Variants in HMBOX1 observed in about 807,000 individuals in gnomAD.
HMBOX1 encodes homeobox containing 1, also known as homeobox-containing protein 1.
In HMBOX1, 14 loss-of-function variants were observed where a neutral mutation model predicts 54.5. The observed-to-expected ratio is 0.26, with a 90% CI of 0.17 to 0.40. HMBOX1 has a LOEUF of 0.40. Among genes scored for constraint, HMBOX1 ranks in the 10% least tolerant of loss-of-function variants. HMBOX1 has a pLI of 1.00. For missense variants in HMBOX1, 332 were observed against 514.4 expected, an observed-to-expected ratio of 0.65 and a Z score of 3.43; for synonymous variants, 160 against 181.0, an observed-to-expected ratio of 0.88 and a Z score of 0.93.
At chr8:29,039,716 C>G (rs920948477) in intron 6 of HMBOX1, among the ~76,000 whole-genome samples, 3 of 152,114 alleles carry the variant, frequency 2.0e-5, no homozygotes, top group African/African-American at 7.2e-5. Flanking sequence ...TGAGCAACTA[C>G]TATGTCCTCC....
chr8:28,907,993 A>G (rs1286608886), intron 1 of HMBOX1, among the ~76,000 whole-genome samples: 2 of 151,894 alleles, frequency 1.3e-5, no homozygotes, highest in South Asian at 2.1e-4. Flanking sequence ...CCACAGGTAC[A>G]TGCCACCACA....
chr8:29,018,161 C>T (rs560885313), intron 5 of HMBOX1, among the ~76,000 whole-genome samples: 2 of 152,312 alleles, frequency 1.3e-5, no homozygotes, highest in East Asian at 1.9e-4. Context: ...GACAATGTTG[C>T]TTTCCTGGTT....
intron 1 of HMBOX1, among the ~76,000 whole-genome samples, chr8:28,949,267 T>G (rs760640089): frequency 3.0e-4 from 46 of 152,192 alleles, no homozygotes; most frequent in Non-Finnish European, 5.7e-4. Context: ...GAGATGTTGA[T>G]CTGGATTCTC....
chr8:28,947,826 A>G (rs1268299518), intron 1 of HMBOX1, among the ~76,000 whole-genome samples: 1 of 151,880 alleles, frequency 6.6e-6, no homozygotes, highest in Non-Finnish European at 1.5e-5. Flanking sequence ...CTCTAACCAT[A>G]TTGTCTTCGT....
At position 28,970,763 on chromosome 8, in the gene HMBOX1, A is replaced by G. The variant is rs1827250170; in HGVS notation, c.500+244A>G. ...CTTTGCTGCTTGACAAGCCTTTTCC[A>G]TTCTGTTTATCAAACACTAATCTTC... On this transcript the variant is annotated intron_variant, in intron 3 of 9. Transcript: ENST00000287701. This position sits in a 1 kb window ranked among gnomAD's most constrained non-coding sequence, Gnocchi z 4.3. The G allele has an allele frequency of 2.5e-6, 1 of 402,322 alleles. No individual in the cohort carries two copies. The highest frequency in any genetic ancestry group is 4.4e-6 in the Non-Finnish European group (1 of 226,000). 24.9% of individuals were successfully genotyped at this position (402,322 alleles called of 1,614,324 possible).
intron 5 of HMBOX1, among the ~76,000 whole-genome samples, chr8:29,015,298 G>C (rs1023922622): frequency 3.3e-5 from 5 of 152,208 alleles, no homozygotes; most frequent in Admixed American, 1.3e-4. Flanking sequence ...TTATGGATGT[G>C]GCCTACTACC....
chr8:28,957,787 T>A (rs1457363256), intron 1 of HMBOX1, among the ~76,000 whole-genome samples: 3 of 151,980 alleles, frequency 2.0e-5, no homozygotes, highest in African/African-American at 7.3e-5. Context: ...CATGCCCAGC[T>A]AATTTTTGTA....
In HMBOX1 at chr8:29,007,930, C is replaced by G. The variant is rs573632851; in HGVS notation, c.587-1142C>G. On this transcript the variant is annotated intron_variant, in intron 4 of 9. Transcript: ENST00000287701. ...GACATAGGTTTTTAAGTGTGTGAAACTCTAGGGGCTTGCTTTTAATGAGTT... is the reference window on the plus strand; with the variant it reads ...GACATAGGTTTTTAAGTGTGTGAAAGTCTAGGGGCTTGCTTTTAATGAGTT... Among the ~76,000 whole-genome samples, 239 of 152,160 alleles carry G rather than the reference C, an allele frequency of 1.6e-3. 2 individuals carry two copies. Among genetic ancestry groups the G allele is most frequent in the African/African-American group, 5.5e-3 (230 of 41,502 alleles).
At chr8:28,938,467 C>G (rs1445711362) in intron 1 of HMBOX1, among the ~76,000 whole-genome samples, 2 of 152,062 alleles carry the variant, frequency 1.3e-5, no homozygotes, top group Admixed American at 1.3e-4. Context: ...GAGACAGGGT[C>G]TTGCTCATTA....
At chr8:28,916,753 T>C (rs1184175522) in intron 1 of HMBOX1, among the ~76,000 whole-genome samples, 5 of 149,680 alleles carry the variant, frequency 3.3e-5, no homozygotes, top group Non-Finnish European at 7.4e-5. Context: ...GTCTTCCAAC[T>C]TTTTTTTTTA....
chr8:28,892,613 A>C (rs1000886172), intron 1 of HMBOX1, among the ~76,000 whole-genome samples: 1 of 152,120 alleles, frequency 6.6e-6, no homozygotes, highest in African/African-American at 2.4e-5. Context: ...AACCACATTG[A>C]TAGAGTGTGT....
chr8:28,977,485 C>T (rs1328327980), intron 3 of HMBOX1, among the ~76,000 whole-genome samples: 1 of 152,134 alleles, frequency 6.6e-6, no homozygotes, highest in Non-Finnish European at 1.5e-5. Flanking sequence ...CTGAAGTTAT[C>T]TCTTGTACAC....
In HMBOX1 at chr8:28,901,009, C is replaced by T. The variant is rs181887303; in HGVS notation, c.-58+10331C>T. The stretch of plus-strand genomic sequence containing the variant: ...ACTTAACCCTGTAATTTTGTGTAAA[C>T]CTCTATGTGTCTCATCTGTAAACTG... On this transcript the variant is annotated intron_variant, in intron 1 of 9. Coordinates refer to ENST00000287701, the MANE Select transcript of HMBOX1 (RefSeq NM_001135726.3). 2.0e-5 allele frequency among the ~76,000 whole-genome samples: 3 copies of T among 152,174 alleles called. No individual in the cohort carries two copies. In the East Asian group the frequency reaches 5.8e-4, roughly 29 times the overall value.
intron 1 of HMBOX1, among the ~76,000 whole-genome samples, chr8:28,939,666 C>T (rs937788784): frequency 2.0e-5 from 3 of 151,768 alleles, no homozygotes; most frequent in East Asian, 2.0e-4. Flanking sequence ...CCCACCACCA[C>T]GCCTGACTAA....
intron 1 of HMBOX1, among the ~76,000 whole-genome samples, chr8:28,913,669 A>G (rs1815922448): frequency 6.6e-6 from 1 of 152,142 alleles, no homozygotes. Flanking sequence ...CTCTCCCCAT[A>G]GCACCCAGCA....
At chr8:28,945,652 T>C (rs1290417056) in intron 1 of HMBOX1, among the ~76,000 whole-genome samples, 1 of 152,176 alleles carries the variant, frequency 6.6e-6, no homozygotes, top group African/African-American at 2.4e-5. Flanking sequence ...AAAGAATGAA[T>C]TTTTCCAGCT....
At chr8:28,895,674 C>CAAAAAAAA (rs544463520) in intron 1 of HMBOX1, among the ~76,000 whole-genome samples, 5 of 137,344 alleles carry the variant, frequency 3.6e-5, no homozygotes, top group African/African-American at 1.1e-4. Flanking sequence ...GACTCAGTCT[C>CAAAAAAAA]AAAAAAAAAA....
At chr8:28,944,077 A>G (rs1821958096) in intron 1 of HMBOX1, among the ~76,000 whole-genome samples, 2 of 152,200 alleles carry the variant, frequency 1.3e-5, no homozygotes, top group Admixed American at 1.3e-4. Context: ...CATCTGCTAC[A>G]GGCTAGATAC....
intron 3 of HMBOX1, among the ~76,000 whole-genome samples, chr8:28,971,033 G>T (rs1827318621): frequency 1.5e-5 from 2 of 132,374 alleles, no homozygotes; most frequent in South Asian, 2.4e-4. Context: ...CACACACATT[G>T]TCTTTTATAA....
Sources: gnomAD v4.1 joint callset for allele counts (sites outside exome capture counted in the v4.1 genomes callset) on GRCh38, gnomAD v4.1.1 for gene constraint, Gnocchi (gnomAD v3.1) non-coding constraint, MANE v1.5 for transcripts, NCBI Gene and HGNC (gene_info 2026-07-23, HGNC 2026-07-21) for gene names.